Variants in NDUFAF6 observed in about 807,000 individuals in gnomAD.
NDUFAF6 encodes the protein NADH:ubiquinone oxidoreductase complex assembly factor 6.
In NDUFAF6, 45 loss-of-function variants were observed where a neutral mutation model predicts 40.8. The ratio of observed to expected loss-of-function variants is 1.10; its 90% confidence interval spans 0.87 to 1.42. The LOEUF is 1.42. Ranked by LOEUF, NDUFAF6 falls within the 40% of genes most tolerant of loss-of-function variation. The pLI is 0.00. For missense variants in NDUFAF6, 435 were observed against 418.5 expected, an observed-to-expected ratio of 1.04 and a Z score of -0.34; for synonymous variants, 185 against 155.9, an observed-to-expected ratio of 1.19 and a Z score of -1.39.
At chr8:94,947,807 A>T (rs1822152631) in intron 2 of NDUFAF6, among the ~76,000 whole-genome samples, 1 of 152,252 alleles carries the variant, frequency 6.6e-6, no homozygotes, top group African/African-American at 2.4e-5. Context: ...AGATAGGATG[A>T]GAAAACAAGA....
intron 2 of NDUFAF6, among the ~76,000 whole-genome samples, chr8:95,015,163 C>G (rs142930725): frequency 6.6e-6 from 1 of 152,062 alleles, no homozygotes; most frequent in Non-Finnish European, 1.5e-5. Context: ...GCTCCAGACT[C>G]GAATCCATCT....
chr8:94,932,752 G>A (rs893819493), intron 1 of NDUFAF6, among the ~76,000 whole-genome samples: 1 of 152,126 alleles, frequency 6.6e-6, no homozygotes, highest in Non-Finnish European at 1.5e-5. Context: ...GCAGTGAGCC[G>A]AGATAGCGCC....
chr8:95,104,416 AC>A (rs1465293367), downstream of NDUFAF6, among the ~76,000 whole-genome samples: 1 of 152,080 alleles, frequency 6.6e-6, no homozygotes, highest in African/African-American at 2.4e-5. Flanking sequence ...TCACACACCT[AC>A]TTGCCTGGTC....
chr8:95,059,747 G>A (rs1186477175), downstream of NDUFAF6, among the ~76,000 whole-genome samples: 1 of 152,138 alleles, frequency 6.6e-6, no homozygotes, highest in African/African-American at 2.4e-5. Flanking sequence ...TACTCGGGAG[G>A]CCGAGGCAGG....
downstream of NDUFAF6, among the ~76,000 whole-genome samples, chr8:95,076,585 A>G (rs953827050): frequency 2.6e-5 from 4 of 152,090 alleles, no homozygotes; most frequent in African/African-American, 4.8e-5. Context: ...GTATAAAATG[A>G]CTCATAGGCC....
intron 2 of NDUFAF6, among the ~76,000 whole-genome samples, chr8:95,091,611 C>G (rs951067433): frequency 1.3e-5 from 2 of 151,698 alleles, no homozygotes; most frequent in Non-Finnish European, 1.5e-5. Context: ...TGCATTTATT[C>G]AAGCAGAAGA....
At chr8:95,095,462 C>T (rs1248420637), upstream of NDUFAF6, among the ~76,000 whole-genome samples, 3 of 152,056 alleles carry the variant, frequency 2.0e-5, no homozygotes, top group African/African-American at 7.2e-5. Flanking sequence ...GGCAATTCAC[C>T]CTGAACCCCA....
chr8:95,008,632 G>C (rs1016759838), intron 2 of NDUFAF6, among the ~76,000 whole-genome samples: 1 of 152,006 alleles, frequency 6.6e-6, no homozygotes, highest in Non-Finnish European at 1.5e-5. Context: ...TCAGCCTCTC[G>C]AGTAGCCAGG....
chr8:95,025,075 C>T lies in NDUFAF6; in HGVS notation c.67C>T (p.Arg23Cys), dbSNP rs776291020. The change falls in exon 1 of 9, where the codon CGC becomes TGC. Residue 23 changes from arginine to cysteine, a missense_variant. Arg to Cys is a radical substitution (Grantham distance 180). Transcript: ENST00000396124. ...GCTTGGCATCCCCGGCCTGTGCTGC[C>T]GCCGGCCGCCTCTGGGTCTGTACGC... Reference protein sequence around the residue: ...LRLGIPGLCCRRPPLGLYARM... With the variant: ...LRLGIPGLCCCRPPLGLYARM... The T allele has an allele frequency of 1.4e-6, 2 of 1,446,592 alleles. No homozygotes were observed. Among genetic ancestry groups the T allele is most frequent in the Admixed American group, 5.6e-5 (2 of 35,762 alleles). 89.6% of individuals were successfully genotyped at this position (1,446,592 alleles called of 1,614,324 possible). A position where few individuals can be genotyped will look rare whatever the true frequency, so the allele number is the denominator to read the frequency against.
At chr8:94,985,617 C>A (rs1187182571) in intron 2 of NDUFAF6, among the ~76,000 whole-genome samples, 1 of 136,458 alleles carries the variant, frequency 7.3e-6, no homozygotes, top group South Asian at 2.4e-4. Context: ...CTCACTGCAA[C>A]CTCCGCCTCC....
intron 9 of NDUFAF6, among the ~76,000 whole-genome samples, chr8:95,069,587 C>G (rs2132029204): frequency 6.6e-6 from 1 of 151,288 alleles, no homozygotes; most frequent in South Asian, 2.1e-4. Context: ...CAAGACCAGC[C>G]TGGTCAACAT....
chr8:94,911,286 TGA>T (rs1409609390), intron 1 of NDUFAF6, among the ~76,000 whole-genome samples: 1 of 152,224 alleles, frequency 6.6e-6, no homozygotes, highest in Admixed American at 6.5e-5. Flanking sequence ...TTAATATTCA[TGA>T]GAGGTTTGGA....
At chr8:94,911,993 G>T (rs1390082023) in intron 1 of NDUFAF6, among the ~76,000 whole-genome samples, 1 of 152,188 alleles carries the variant, frequency 6.6e-6, no homozygotes, top group Non-Finnish European at 1.5e-5. Flanking sequence ...TTATTAGAGA[G>T]AAATTAATTC....
At chr8:95,071,201 T>C (rs534286449) in intron 9 of NDUFAF6, among the ~76,000 whole-genome samples, 24 of 148,664 alleles carry the variant, frequency 1.6e-4, no homozygotes, top group African/African-American at 2.2e-4. Flanking sequence ...CCATCCTGGC[T>C]AACACGGTGA....
intron 1 of NDUFAF6, among the ~76,000 whole-genome samples, chr8:94,972,389 G>A (rs1299035189): frequency 1.3e-5 from 2 of 152,066 alleles, no homozygotes; most frequent in African/African-American, 4.8e-5. Context: ...TTACAGGCGT[G>A]CGCCACACCA....
At chr8:95,118,071 T>A (rs1373061293), downstream of NDUFAF6, among the ~76,000 whole-genome samples, 1 of 152,192 alleles carries the variant, frequency 6.6e-6, no homozygotes, top group African/African-American at 2.4e-5. Flanking sequence ...TAACAACTCA[T>A]CTGATCTGGA....
chr8:95,087,405 C>G (rs1173722775), intron 2 of NDUFAF6, among the ~76,000 whole-genome samples: 1 of 152,104 alleles, frequency 6.6e-6, no homozygotes, highest in Non-Finnish European at 1.5e-5. Flanking sequence ...GAAGTTCCCC[C>G]GATTATTTCC....
At chr8:94,968,697 T>C (rs1337308209) in intron 1 of NDUFAF6, among the ~76,000 whole-genome samples, 1 of 152,202 alleles carries the variant, frequency 6.6e-6, no homozygotes, top group Admixed American at 6.5e-5. Flanking sequence ...TATCATGATC[T>C]GCTTTACTTT....
chr8:94,929,430 AAG>A (rs962730801), intron 1 of NDUFAF6: 19 of 152,180 alleles, frequency 1.2e-4, no homozygotes, highest in South Asian at 1.0e-3. Flanking sequence ...AAAAAAAAAA[AAG>A]AAAAAAGTTG....
Sources: allele counts gnomAD v4.1 joint callset (sites outside exome capture counted in the v4.1 genomes callset), GRCh38; gene constraint gnomAD v4.1.1; transcripts MANE v1.5; gene names NCBI Gene and HGNC (gene_info 2026-07-23, HGNC 2026-07-21).